ANO2: variants seen among roughly 807,000 people sequenced by gnomAD.
ANO2 encodes the protein anoctamin-2.
In ANO2, 101 loss-of-function variants were observed where a neutral mutation model predicts 124.2. That is an observed-to-expected ratio of 0.81 (90% CI 0.69 to 0.96). The LOEUF (loss-of-function observed/expected upper bound fraction) is 0.96, where lower values mean the gene tolerates loss of function less well. Among genes scored for constraint, ANO2 ranks in the 40% least tolerant of loss-of-function variants. ANO2 has a pLI of 0.00. For synonymous variants in ANO2, 486 were observed against 482.5 expected, an observed-to-expected ratio of 1.01 and a Z score of -0.09; for missense variants, 1,293 against 1,274.5, an observed-to-expected ratio of 1.01 and a Z score of -0.22.
intron 14 of ANO2, among the ~76,000 whole-genome samples, chr12:5,667,901 G>A (rs1426982047): frequency 6.6e-6 from 1 of 152,184 alleles, no homozygotes; most frequent in Non-Finnish European, 1.5e-5. Context: ...TTCTATGGCT[G>A]CATAGTATTC....
intron 14 of ANO2, among the ~76,000 whole-genome samples, chr12:5,726,900 A>C (rs1056292980): frequency 6.6e-6 from 1 of 152,216 alleles, no homozygotes; most frequent in African/African-American, 2.4e-5. Flanking sequence ...ATCTACCTGC[A>C]TGACAGCTGA....
Position 5,873,591 on chromosome 12 carries a change from C to T in ANO2, c.535-19450G>A, listed in dbSNP as rs535740137. 8.5e-5 allele frequency among the ~76,000 whole-genome samples: 13 copies of T among 152,312 alleles called. 1 individual carries two copies. In the South Asian group the frequency reaches 1.0e-3, roughly 12 times the overall value. ...AGAGGCTGGGAGGAGCATGTCCTGG[C>T]GATTAAGGATGGGCTGAACTGGAGA... is the stretch of plus-strand genomic sequence containing the variant. On this transcript the variant is annotated intron_variant, in intron 3 of 24. Transcript: ENST00000682330.
At chr12:5,643,602 T>C (rs1018376677) in intron 15 of ANO2, among the ~76,000 whole-genome samples, 1 of 152,220 alleles carries the variant, frequency 6.6e-6, no homozygotes, top group South Asian at 2.1e-4. Flanking sequence ...ATATATGTAC[T>C]TTCAGTTTCA....
intron 3 of ANO2, among the ~76,000 whole-genome samples, chr12:5,866,314 C>A (rs1361702204): frequency 6.6e-6 from 1 of 152,148 alleles, no homozygotes; most frequent in East Asian, 1.9e-4. Flanking sequence ...GTGGACCCTG[C>A]AGATGGTTGA....
At chr12:5,678,630 G>A (rs1180317250) in intron 14 of ANO2, among the ~76,000 whole-genome samples, 1 of 152,186 alleles carries the variant, frequency 6.6e-6, no homozygotes, top group African/African-American at 2.4e-5. Flanking sequence ...GGAATTAGAA[G>A]GGCTTGCAAT....
At chr12:5,758,566 T>C (rs1951648400) in intron 10 of ANO2, among the ~76,000 whole-genome samples, 1 of 152,160 alleles carries the variant, frequency 6.6e-6, no homozygotes. Flanking sequence ...ACTGCTGAAA[T>C]CTGAGAGTGG....
chr12:5,720,753 C>T (rs1449993041), intron 14 of ANO2, among the ~76,000 whole-genome samples: 3 of 147,154 alleles, frequency 2.0e-5, no homozygotes, highest in African/African-American at 5.0e-5. Context: ...TCTCTCATTT[C>T]ACAGGCTGCC....
At chr12:5,896,860 G>A (rs80222654) in intron 3 of ANO2, among the ~76,000 whole-genome samples, 1,529 of 152,196 alleles carry the variant, frequency 0.01, 12 homozygotes, top group Middle Eastern at 0.031. Flanking sequence ...AGGGTAATTC[G>A]GGAAGAGTTT....
intron 4 of ANO2, among the ~76,000 whole-genome samples, chr12:5,846,824 T>G (rs1223052377): frequency 6.6e-6 from 1 of 152,232 alleles, no homozygotes; most frequent in Non-Finnish European, 1.5e-5. Context: ...CAGGATGATC[T>G]CATCCTGAGA....
intron 10 of ANO2, among the ~76,000 whole-genome samples, chr12:5,774,385 G>C (rs1952169198): frequency 6.6e-6 from 1 of 152,168 alleles, no homozygotes; most frequent in African/African-American, 2.4e-5. Context: ...AGGATGCCTT[G>C]AGCCTGAGAT....
At chr12:5,941,525 AAAG>A (rs1942894410) in intron 1 of ANO2, among the ~76,000 whole-genome samples, 1 of 152,202 alleles carries the variant, frequency 6.6e-6, no homozygotes, top group Non-Finnish European at 1.5e-5. Context: ...AAAAAGAAGA[AAAG>A]AAAAGCAGAT....
chr12:5,918,271 T>C (rs746026501), intron 3 of ANO2, among the ~76,000 whole-genome samples: 1 of 152,152 alleles, frequency 6.6e-6, no homozygotes, highest in East Asian at 1.9e-4. Flanking sequence ...GTGGAAAGAC[T>C]AACCCAGGAA....
chr12:5,713,494 T>C (rs1276564306), intron 14 of ANO2, among the ~76,000 whole-genome samples: 1 of 152,212 alleles, frequency 6.6e-6, no homozygotes, highest in Admixed American at 6.5e-5. Context: ...GGAGGAACTT[T>C]GGCAGGTGGC....
At chr12:5,688,299 T>G (rs149942335) in intron 14 of ANO2, among the ~76,000 whole-genome samples, 2 of 152,274 alleles carry the variant, frequency 1.3e-5, no homozygotes, top group African/African-American at 4.8e-5. Context: ...TGGCCTGAAC[T>G]GGAGAACGGG....
chr12:5,750,495 A>G (rs1471748734), intron 11 of ANO2, among the ~76,000 whole-genome samples: 2 of 152,216 alleles, frequency 1.3e-5, no homozygotes, highest in African/African-American at 4.8e-5. Flanking sequence ...CCAGAGGTAA[A>G]AGAAGTGATG....
chr12:5,730,690 C>T (rs1248037412), intron 14 of ANO2, among the ~76,000 whole-genome samples: 2 of 152,196 alleles, frequency 1.3e-5, no homozygotes, highest in African/African-American at 2.4e-5. Flanking sequence ...GCAGCATCCA[C>T]CTTTATCTCC....
chr12:5,694,050 C>T (rs1019315691), intron 14 of ANO2, among the ~76,000 whole-genome samples: 1 of 152,084 alleles, frequency 6.6e-6, no homozygotes, highest in Non-Finnish European at 1.5e-5. Context: ...GATTTGTTTT[C>T]AATGCTGCAG....
chr12:5,880,900 G>GGGATGGGTGGATGGAT (rs1555177471), intron 3 of ANO2, among the ~76,000 whole-genome samples: 1 of 142,410 alleles, frequency 7.0e-6, no homozygotes, highest in African/African-American at 2.7e-5. Context: ...GGGTAGGTGG[G>GGGATGGGTGGATGGAT]GGATGGATGG....
In ANO2 at chr12:5,628,475, G is replaced by C. The variant is rs532386315; in HGVS notation, c.1816+6677C>G. Among the ~76,000 whole-genome samples, 6 of 152,316 alleles carry C rather than the reference G, an allele frequency of 3.9e-5. No homozygotes were observed. The South Asian group carries it at 1.2e-3, about 32-fold the overall frequency. On this transcript the variant is annotated intron_variant, in intron 16 of 24. Coordinates refer to ENST00000682330, the MANE Select transcript of ANO2 (RefSeq NM_001364791.2). Reference sequence around the variant, plus strand: ...ACTAGAGTGTCATGGTTTTAGCAAGGACAATGAGGTCAGACTCACCACTTA... The same window carrying C: ...ACTAGAGTGTCATGGTTTTAGCAAGCACAATGAGGTCAGACTCACCACTTA...
Sources: allele counts gnomAD v4.1 joint callset (sites outside exome capture counted in the v4.1 genomes callset), GRCh38; gene constraint gnomAD v4.1.1; transcripts MANE v1.5; gene names NCBI Gene and HGNC (gene_info 2026-07-23, HGNC 2026-07-21).